LRFN5: variants seen among roughly 807,000 people sequenced by gnomAD.
LRFN5 encodes leucine-rich repeat and fibronectin type-III domain-containing protein 5.
In LRFN5, 24 loss-of-function variants were observed where a neutral mutation model predicts 45.6. The ratio of observed to expected loss-of-function variants is 0.53; its 90% CI spans 0.38 to 0.74. The LOEUF (loss-of-function observed/expected upper bound fraction) is 0.74, where lower values mean the gene tolerates loss of function less well. Among genes scored for constraint, LRFN5 ranks in the 30% least tolerant of loss-of-function variants. The pLI is 0.00. For synonymous variants in LRFN5, 340 were observed against 313.8 expected, an observed-to-expected ratio of 1.08 and a Z score of -0.88; for missense variants, 776 against 861.5, an observed-to-expected ratio of 0.90 and a Z score of 1.24.
rs200644547 is a variant in LRFN5 at position 41,894,646 on chromosome 14, AAAGT to A, written c.2098+2689_2098+2692del. ...AGTAATTGCAGTGTGAAGTGACTGA[AAAGT>A]AAGTCTACAGAAAAGGTGGGAATGA... On this transcript the variant is annotated intron_variant, in intron 4 of 5. Transcript: ENST00000298119. The A allele has an allele frequency of 2.3e-3, 2,251 of 985,076 alleles. 40 individuals are homozygous for A. In the African/African-American group the frequency reaches 0.037, roughly 16 times the overall value. The allele number at this position is 985,076 out of a possible 1,614,324, so 61.0% of individuals were successfully genotyped here. A position where few individuals can be genotyped will look rare whatever the true frequency, so the allele number is the denominator to read the frequency against.
At chr14:41,852,814 T>C (rs1889317811) in intron 2 of LRFN5, among the ~76,000 whole-genome samples, 1 of 152,134 alleles carries the variant, frequency 6.6e-6, no homozygotes, top group East Asian at 1.9e-4. Flanking sequence ...TGTTTTCTTT[T>C]TCACCAATGA....
intron 1 of LRFN5, among the ~76,000 whole-genome samples, chr14:41,703,649 A>G (rs531879028): frequency 6.6e-5 from 10 of 152,066 alleles, no homozygotes; most frequent in South Asian, 2.1e-4. Flanking sequence ...GAGAATAACT[A>G]TTTATAAATA....
intron 1 of LRFN5, among the ~76,000 whole-genome samples, chr14:41,647,759 A>G (rs1463249807): frequency 1.3e-5 from 2 of 152,180 alleles, no homozygotes; most frequent in Non-Finnish European, 2.9e-5. Context: ...CTCTGGACCA[A>G]GAAGAGATTT....
intron 1 of LRFN5, among the ~76,000 whole-genome samples, chr14:41,744,371 A>G (rs746735309): frequency 2.0e-5 from 3 of 152,282 alleles, no homozygotes; most frequent in African/African-American, 4.8e-5. Context: ...TAAATGAAAA[A>G]ATAAATAAAT....
At chr14:41,728,479 T>C (rs1033138655) in intron 1 of LRFN5, among the ~76,000 whole-genome samples, 2 of 152,162 alleles carry the variant, frequency 1.3e-5, no homozygotes, top group African/African-American at 4.8e-5. Context: ...GTCTTTCAAG[T>C]ATGAAAAATA....
At chr14:41,843,208 C>G (rs1888927117) in intron 2 of LRFN5, among the ~76,000 whole-genome samples, 1 of 151,478 alleles carries the variant, frequency 6.6e-6, no homozygotes, top group Non-Finnish European at 1.5e-5. Flanking sequence ...ATCTCACACT[C>G]CCAAGTAGCT....
intron 1 of LRFN5, among the ~76,000 whole-genome samples, chr14:41,623,781 G>A (rs1017446620): frequency 6.6e-6 from 1 of 152,034 alleles, no homozygotes; most frequent in African/African-American, 2.4e-5. Context: ...TTTAAAAGTT[G>A]CATATTTATT....
At chr14:41,861,205 A>G (rs1281973529) in intron 2 of LRFN5, among the ~76,000 whole-genome samples, 5 of 152,172 alleles carry the variant, frequency 3.3e-5, no homozygotes, top group Non-Finnish European at 7.4e-5. Flanking sequence ...TTTTCATCAA[A>G]ATTAGACCCA....
At chr14:41,678,456 T>A (rs1185515713) in intron 1 of LRFN5, among the ~76,000 whole-genome samples, 1 of 152,040 alleles carries the variant, frequency 6.6e-6, no homozygotes, top group Non-Finnish European at 1.5e-5. Context: ...AGTTGGGGAT[T>A]TCAATACCCC....
At chr14:41,806,775 G>A (rs74045433) in intron 2 of LRFN5, among the ~76,000 whole-genome samples, 2,864 of 152,222 alleles carry the variant, frequency 0.019, 84 homozygotes, top group African/African-American at 0.064. Context: ...CCTGCTTACC[G>A]TACACAGACA....
intron 1 of LRFN5, among the ~76,000 whole-genome samples, chr14:41,747,781 T>C (rs1884980916): frequency 6.6e-6 from 1 of 151,962 alleles, no homozygotes; most frequent in Non-Finnish European, 1.5e-5. Context: ...AAGTTATTAA[T>C]ATCCTGAATA....
intron 2 of LRFN5, among the ~76,000 whole-genome samples, chr14:41,865,922 G>C (rs931623075): frequency 6.6e-5 from 10 of 152,128 alleles, no homozygotes; most frequent in Non-Finnish European, 1.3e-4. Context: ...CTATTATTAA[G>C]TTGTAAAAGT....
chr14:41,842,578 T>A (rs1242545813), intron 2 of LRFN5, among the ~76,000 whole-genome samples: 1 of 152,154 alleles, frequency 6.6e-6, no homozygotes, highest in African/African-American at 2.4e-5. Context: ...TTATATGGAT[T>A]ATAAGCATTA....
At chr14:41,684,660 A>G (rs968920693) in intron 1 of LRFN5, among the ~76,000 whole-genome samples, 3 of 152,190 alleles carry the variant, frequency 2.0e-5, no homozygotes, top group African/African-American at 7.2e-5. Context: ...AGAAAAATCA[A>G]ATAAAAATGG....
intron 2 of LRFN5, among the ~76,000 whole-genome samples, chr14:41,859,771 A>G (rs1396085584): frequency 6.6e-6 from 1 of 152,184 alleles, no homozygotes; most frequent in African/African-American, 2.4e-5. Context: ...GCTTCTCTTG[A>G]ATATTTTAAT....
intron 1 of LRFN5, among the ~76,000 whole-genome samples, chr14:41,631,429 G>A (rs1888530524): frequency 6.6e-6 from 1 of 152,028 alleles, no homozygotes; most frequent in Admixed American, 6.6e-5. Flanking sequence ...CCAGGCATTA[G>A]TCAAGTGTAC....
intron 1 of LRFN5, among the ~76,000 whole-genome samples, chr14:41,750,287 A>G (rs965171548): frequency 2.1e-3 from 151 of 71,532 alleles, no homozygotes; most frequent in African/African-American, 7.9e-3. Context: ...ATATATATAT[A>G]TATATATATA....
chr14:41,683,199 A>G (rs1016583284), intron 1 of LRFN5, among the ~76,000 whole-genome samples: 1 of 152,242 alleles, frequency 6.6e-6, no homozygotes, highest in African/African-American at 2.4e-5. Context: ...CATCGTATCA[A>G]TAGAATGAAG....
At chr14:41,746,428 A>G (rs1812989802) in intron 1 of LRFN5, among the ~76,000 whole-genome samples, 1 of 152,014 alleles carries the variant, frequency 6.6e-6, no homozygotes, top group Admixed American at 6.6e-5. Context: ...TACTCCTAAA[A>G]TTGTGAACAT....
Sources: allele counts gnomAD v4.1 joint callset (sites outside exome capture counted in the v4.1 genomes callset), GRCh38; gene constraint gnomAD v4.1.1; transcripts MANE v1.5; gene names NCBI Gene and HGNC (gene_info 2026-07-23, HGNC 2026-07-21).